SOX6: variants seen among roughly 807,000 people sequenced by gnomAD.
The protein encoded by SOX6 is transcription factor SOX-6.
Under a neutral mutation model 97.8 loss-of-function variants are expected in SOX6, and 11 were observed. The ratio of observed to expected loss-of-function variants is 0.11; its 90% confidence interval spans 0.07 to 0.19. The LOEUF is 0.19. Among genes scored for constraint, SOX6 ranks in the 10% least tolerant of loss-of-function variants. SOX6 has a pLI of 1.00. For missense variants in SOX6, 810 were observed against 1,039.5 expected, an observed-to-expected ratio of 0.78 and a Z score of 3.04; for synonymous variants, 360 against 371.4, an observed-to-expected ratio of 0.97 and a Z score of 0.35.
intron 2 of SOX6, among the ~76,000 whole-genome samples, chr11:16,335,425 T>G (rs1856427604): frequency 6.6e-6 from 1 of 152,160 alleles, no homozygotes; most frequent in Non-Finnish European, 1.5e-5. Flanking sequence ...TACATAAATC[T>G]TACCTTAGGA....
chr11:16,608,369 G>A (rs1012530089), intron 4 of SOX6, among the ~76,000 whole-genome samples: 1 of 152,074 alleles, frequency 6.6e-6, no homozygotes, highest in African/African-American at 2.4e-5. Flanking sequence ...CCACAAAAGC[G>A]AGTCACGAGA....
intron 1 of SOX6, among the ~76,000 whole-genome samples, chr11:16,394,594 T>C (rs1242961473): frequency 1.3e-5 from 2 of 151,928 alleles, no homozygotes; most frequent in African/African-American, 4.8e-5. Flanking sequence ...TTTATAACCT[T>C]TTCTATATCC....
At chr11:16,136,343 G>C (rs769823312) in intron 6 of SOX6, among the ~76,000 whole-genome samples, 1 of 98,706 alleles carries the variant, frequency 1.0e-5, no homozygotes, top group Non-Finnish European at 2.2e-5. Context: ...GTGTGTGTGT[G>C]GTTTTTTTTT....
chr11:16,382,460 G>A (rs573212052), intron 1 of SOX6: 42 of 152,056 alleles, frequency 2.8e-4, no homozygotes, highest in African/African-American at 9.6e-4. Flanking sequence ...AACAGAGGGA[G>A]GGAGAATAAT....
upstream of SOX6, among the ~76,000 whole-genome samples, chr11:16,357,154 G>A (rs532601449): frequency 6.6e-6 from 1 of 152,132 alleles, no homozygotes; most frequent in African/African-American, 2.4e-5. Context: ...TCATTGGCAC[G>A]AAAGGCTCAA....
At chr11:15,996,243 G>A (rs188002486) in intron 13 of SOX6, among the ~76,000 whole-genome samples, 1 of 152,262 alleles carries the variant, frequency 6.6e-6, no homozygotes, top group East Asian at 1.9e-4. Context: ...GATTGTTAAA[G>A]GTCGTAATAT....
At chr11:16,593,287 C>A (rs976702359) in intron 4 of SOX6, among the ~76,000 whole-genome samples, 5 of 152,086 alleles carry the variant, frequency 3.3e-5, no homozygotes, top group Middle Eastern at 3.2e-3. Flanking sequence ...TCCCAACATC[C>A]TTCTTTACTC....
At chr11:16,402,934 A>C in intron 1 of SOX6, 1 of 1,141,868 alleles carries the variant, frequency 8.8e-7, no homozygotes, top group East Asian at 2.8e-5. Context: ...TCAAAACAAA[A>C]CCAATTTTTA....
At chr11:16,150,852 C>T (rs10766297) in intron 6 of SOX6, among the ~76,000 whole-genome samples, 149,988 of 152,268 alleles carry the variant, frequency 0.99, 73,906 homozygotes, top group East Asian at 1. Context: ...AAGTCACATT[C>T]TATAACTAAT....
At chr11:16,509,493 G>T (rs1860845061) in intron 4 of SOX6, among the ~76,000 whole-genome samples, 1 of 151,918 alleles carries the variant, frequency 6.6e-6, no homozygotes, top group African/African-American at 2.4e-5. Context: ...AAGCATAATG[G>T]AAACACCTTT....
At chr11:16,035,740 C>T (rs1373881908) in intron 12 of SOX6, among the ~76,000 whole-genome samples, 1 of 152,192 alleles carries the variant, frequency 6.6e-6, no homozygotes, top group Non-Finnish European at 1.5e-5. Context: ...AACCTACACT[C>T]TGATTAGTGA....
intron 3 of SOX6, among the ~76,000 whole-genome samples, chr11:16,272,564 T>C (rs1358816588): frequency 6.6e-6 from 1 of 151,850 alleles, no homozygotes; most frequent in Non-Finnish European, 1.5e-5. Context: ...AAATATGTAA[T>C]TTGGTCATTA....
chr11:16,501,069 G>A (rs910359627), intron 4 of SOX6, among the ~76,000 whole-genome samples: 2 of 152,092 alleles, frequency 1.3e-5, no homozygotes, highest in African/African-American at 2.4e-5. Flanking sequence ...ATACCACAAG[G>A]CTACAGTAAC....
intron 4 of SOX6, among the ~76,000 whole-genome samples, chr11:16,601,780 A>T (rs933345491): frequency 7.2e-5 from 11 of 152,108 alleles, no homozygotes; most frequent in Admixed American, 1.3e-4. Context: ...AATAATTCCT[A>T]AAAAAGGTCA....
At chr11:16,213,850 A>G (rs1362894046) in intron 4 of SOX6, among the ~76,000 whole-genome samples, 3 of 152,192 alleles carry the variant, frequency 2.0e-5, no homozygotes, top group African/African-American at 7.2e-5. Context: ...TTGTTTTCAG[A>G]AAGCTCACTA....
At chr11:16,264,280 A>G (rs573282504) in intron 3 of SOX6, among the ~76,000 whole-genome samples, 1 of 152,048 alleles carries the variant, frequency 6.6e-6, no homozygotes, top group South Asian at 2.1e-4. Flanking sequence ...TTCTTTCTGC[A>G]CAATTGAACA....
chr11:16,517,995 T>C (rs1861000718), intron 4 of SOX6, among the ~76,000 whole-genome samples: 1 of 152,196 alleles, frequency 6.6e-6, no homozygotes, highest in South Asian at 2.1e-4. Context: ...TCTAATATCT[T>C]CTGTCTATTC....
At chr11:16,402,772 A>G (rs1858595387) in intron 1 of SOX6, 1 of 1,605,580 alleles carries the variant, frequency 6.2e-7, no homozygotes, top group Non-Finnish European at 8.5e-7. Context: ...AAAAAAAACA[A>G]TCTACTATTG....
Position 16,097,669 on chromosome 11 carries a change from C to G in SOX6, c.918G>C (p.Gln306His), listed in dbSNP as rs141718442. The change falls in exon 8 of 16, where the codon CAG becomes CAC. Residue 306 changes from glutamine to histidine, a missense_variant. Physicochemically the swap from Gln to His is conservative, Grantham distance 24. Coordinates refer to ENST00000683767, the MANE Select transcript of SOX6 (RefSeq NM_001367873.1). The stretch of plus-strand genomic sequence containing the variant: ...CAGCTGCCATTGTTGATGGAATGAA[C>G]TGTACGGGGTAGTTATCACCTGTCG... ...TYKPGDNYPV[Q>H]FIPSTMAAAA... 917 of 1,610,982 alleles carry G rather than the reference C, an allele frequency of 5.7e-4. 1 individual carries two copies. Among genetic ancestry groups the G allele is most frequent in the Non-Finnish European group, 7.2e-4 (850 of 1,177,934 alleles).
Sources: gnomAD v4.1 joint callset for allele counts (sites outside exome capture counted in the v4.1 genomes callset) on GRCh38, gnomAD v4.1.1 for gene constraint, MANE v1.5 for transcripts, NCBI Gene and HGNC (gene_info 2026-07-23, HGNC 2026-07-21) for gene names.